Variants in ASXL2 observed in about 807,000 individuals in gnomAD.
ASXL2 encodes putative Polycomb group protein ASXL2.
In ASXL2, 23 loss-of-function variants were observed where a neutral mutation model predicts 122.0. That is an observed-to-expected ratio of 0.19 (90% CI 0.14 to 0.27). The LOEUF is 0.27. Ranked by LOEUF, ASXL2 falls within the 10% of genes least tolerant of loss-of-function variation. The pLI is 1.00. For synonymous variants in ASXL2, 650 were observed against 637.0 expected (o/e 1.02, Z -0.31); for missense variants, 1,518 against 1,713.8 (o/e 0.89, Z 2.02).
At chr2:25,822,657 C>T in intron 3 of ASXL2, 1 of 643,790 alleles carries the variant, frequency 1.6e-6, no homozygotes, top group Non-Finnish European at 2.9e-6. Context: ...CCTAATGATT[C>T]CAAGCATAAA....
Position 25,743,770 on chromosome 2 carries a change from T to C in ASXL2, c.2567A>G (p.Glu856Gly). 6.2e-7 allele frequency: 1 copy of C among 1,614,014 alleles called. No homozygotes were observed. Among genetic ancestry groups the C allele is most frequent in the Non-Finnish European group, 8.5e-7 (1 of 1,179,882 alleles). ...ATTCTTACTAGGACCTGCTTTGAGC[T>C]CAACTGTGCCATCAGCTGCACAATG... ...PVHCAADGTV[E>G]LKAGPSKNIP... The change falls in exon 13 of 13, where the codon GAG (glutamate) becomes GGG (glycine). Residue 856 changes from glutamate (E) to glycine (G), a missense_variant. By Grantham distance (98) the Glu-to-Gly change is moderately conservative (BLOSUM62 -2). Coordinates refer to ENST00000435504, the MANE Select transcript of ASXL2 (RefSeq NM_018263.6).
intron 1 of ASXL2, chr2:25,856,474 G>A (rs757577642): frequency 2.9e-5 from 30 of 1,026,938 alleles, no homozygotes; most frequent in South Asian, 3.7e-5. Flanking sequence ...CTTGGCCTTC[G>A]GGTTACGGAA....
At chr2:25,865,107 G>C (rs1314385888) in intron 1 of ASXL2, among the ~76,000 whole-genome samples, 1 of 151,736 alleles carries the variant, frequency 6.6e-6, no homozygotes, top group Non-Finnish European at 1.5e-5. Flanking sequence ...ACAGGTGTGA[G>C]CCACCGCACC....
intron 1 of ASXL2, among the ~76,000 whole-genome samples, chr2:25,866,407 C>A (rs1388602909): frequency 1.3e-5 from 2 of 152,182 alleles, no homozygotes; most frequent in African/African-American, 4.8e-5. Flanking sequence ...GGATTACAGG[C>A]ATGAGCCACT....
At chr2:25,800,505 C>T (rs2088979952) in intron 4 of ASXL2, among the ~76,000 whole-genome samples, 1 of 151,792 alleles carries the variant, frequency 6.6e-6, no homozygotes, top group African/African-American at 2.4e-5. Context: ...AAGGTTCTTC[C>T]TGACAGAAAA....
chr2:25,811,997 C>T (rs557828952), intron 3 of ASXL2, among the ~76,000 whole-genome samples: 32 of 152,202 alleles, frequency 2.1e-4, no homozygotes, highest in African/African-American at 7.7e-4. Flanking sequence ...AAGTGATCCA[C>T]ACGCATCAGC....
chr2:25,767,366 G>C (rs1167969783), intron 8 of ASXL2, among the ~76,000 whole-genome samples: 4 of 152,134 alleles, frequency 2.6e-5, no homozygotes, highest in Admixed American at 6.5e-5. Context: ...AGGTAAACAG[G>C]GGATAGCAGG....
At position 25,878,207 on chromosome 2, in the gene ASXL2, G is replaced by A. The variant is rs761042778; in HGVS notation, c.16C>T (p.Arg6Cys). The change falls in exon 1 of 13, where the codon CGT becomes TGT. Residue 6 changes from arginine (R) to cysteine (C), a missense_variant. Coordinates refer to ENST00000435504, the MANE Select transcript of ASXL2 (RefSeq NM_018263.6). The stretch of plus-strand genomic sequence containing the variant: ...GCCCAGGTCCTGCCCTTCTTCCTAC[G>A]TCCCTTTTCCCTCATGTCGGGTCTT... MREKG[R>C]RKKGRTWAEA... is the part of the protein sequence containing the mutation. 1.2e-6 allele frequency: 2 copies of A among 1,613,776 alleles called. No individual in the cohort carries two copies. The highest frequency in any genetic ancestry group is 1.7e-5 in the Admixed American group (1 of 60,026).
At chr2:25,866,854 T>C (rs1273948668) in intron 1 of ASXL2, among the ~76,000 whole-genome samples, 1 of 152,102 alleles carries the variant, frequency 6.6e-6, no homozygotes. Flanking sequence ...TGCCTCAGCG[T>C]CCTGAGTAGC....
At chr2:25,819,095 C>A (rs886197188) in intron 3 of ASXL2, among the ~76,000 whole-genome samples, 1 of 152,114 alleles carries the variant, frequency 6.6e-6, no homozygotes, top group African/African-American at 2.4e-5. Flanking sequence ...TGATAACCCA[C>A]AAGGATTGAA....
rs1188433089 is a variant in ASXL2, at chr2:25,737,141, C to T, written c.*4888G>A. ...TTCTCTTCACATTATTTTCCTTGCT[C>T]TTTGACCTCTCCAGATTAGACGGGC... On this transcript the variant is annotated 3_prime_UTR_variant, in exon 13 of 13. Transcript: ENST00000435504. 1.3e-5 allele frequency: 2 copies of T among 151,952 alleles called. No individual in the cohort carries two copies. The highest frequency in any genetic ancestry group is 2.9e-5 in the Non-Finnish European group (2 of 68,010). 9.4% of individuals were successfully genotyped at this position (151,952 alleles called of 1,614,324 possible).
intron 1 of ASXL2, among the ~76,000 whole-genome samples, chr2:25,859,130 A>G (rs557461772): frequency 1.3e-5 from 2 of 151,548 alleles, no homozygotes; most frequent in South Asian, 4.2e-4. Flanking sequence ...TTTTTGAGAC[A>G]GGGTTTTGCT....
chr2:25,746,617 A>C (rs925211899), intron 12 of ASXL2, among the ~76,000 whole-genome samples: 2 of 152,188 alleles, frequency 1.3e-5, no homozygotes, highest in African/African-American at 2.4e-5. Flanking sequence ...GTAACTCTAT[A>C]CCTAACATAA....
intron 5 of ASXL2, among the ~76,000 whole-genome samples, chr2:25,786,078 G>C (rs191066019): frequency 6.6e-6 from 1 of 151,948 alleles, no homozygotes; most frequent in Non-Finnish European, 1.5e-5. Flanking sequence ...CATTTAATAC[G>C]TAAAATCAAT....
chr2:25,826,356 TG>T (rs2089376518), intron 3 of ASXL2, among the ~76,000 whole-genome samples: 1 of 152,204 alleles, frequency 6.6e-6, no homozygotes, highest in Admixed American at 6.5e-5. Context: ...AGATTATTTT[TG>T]GTCTCCTCAC....
At chr2:25,810,763 T>C in intron 3 of ASXL2, 1 of 551,808 alleles carries the variant, frequency 1.8e-6, no homozygotes, top group South Asian at 1.6e-5. Flanking sequence ...AGTACTACCT[T>C]TGGAATTTTG....
rs140180190 is a variant in ASXL2 at position 25,814,894 on chromosome 2, C to T, written c.144-8557G>A. Among the ~76,000 whole-genome samples, 8 of 152,296 alleles carry T rather than the reference C, an allele frequency of 5.3e-5. No homozygotes were observed. In the East Asian group the frequency reaches 1.5e-3, roughly 29 times the overall value. On this transcript the variant is annotated intron_variant, in intron 3 of 12. Coordinates refer to ENST00000435504, the MANE Select transcript of ASXL2 (RefSeq NM_018263.6). Reference sequence around the variant, plus strand: ...AATACAGACCTGACTGTAGCCTGGGCAAGTCACTTTAAACACCCTTAATTT... The same window carrying T: ...AATACAGACCTGACTGTAGCCTGGGTAAGTCACTTTAAACACCCTTAATTT...
intron 5 of ASXL2, among the ~76,000 whole-genome samples, chr2:25,780,667 G>T (rs981786000): frequency 6.6e-6 from 1 of 152,130 alleles, no homozygotes; most frequent in African/African-American, 2.4e-5. Flanking sequence ...CTGCCATTTT[G>T]TATTTTTGAC....
In ASXL2 at chr2:25,856,584, G is replaced by A. The variant is rs2089781596; in HGVS notation, c.58-11021C>T. On this transcript the variant is annotated intron_variant, in intron 1 of 12. Transcript: ENST00000435504. ...ACGCTCCAAGGGGTAGGGGGCGCCA[G>A]TCTTGATCTGTCCTGTGCAGAGCCC... The A allele has an allele frequency of 1.3e-5, 16 of 1,190,534 alleles. No homozygotes were observed. The South Asian group carries it at 1.8e-4, about 13-fold the overall frequency. The allele number at this position is 1,190,534 out of a possible 1,614,324, so 73.7% of individuals were successfully genotyped here. A position where few individuals can be genotyped will look rare whatever the true frequency, so the allele number is the denominator to read the frequency against.
Sources: gnomAD v4.1 joint callset for allele counts (sites outside exome capture counted in the v4.1 genomes callset) on GRCh38, gnomAD v4.1.1 for gene constraint, MANE v1.5 for transcripts, NCBI Gene and HGNC (gene_info 2026-07-23, HGNC 2026-07-21) for gene names.